TMOD2: variants seen among roughly 807,000 people sequenced by gnomAD.
TMOD2 encodes the protein tropomodulin 2, also known as tropomodulin-2.
TMOD2 carries 22 observed loss-of-function variants against 39.9 expected under a neutral mutation model. That is an observed-to-expected ratio of 0.55 (90% CI 0.39 to 0.79). The LOEUF is 0.79. TMOD2 is among the 30% of genes least tolerant of loss of function. The pLI, the probability that TMOD2 is intolerant of heterozygous loss-of-function variation, is 0.00. For synonymous variants in TMOD2, 123 were observed against 146.1 expected (o/e 0.84, Z 1.14); for missense variants, 386 against 413.3 (o/e 0.93, Z 0.57).
At chr15:51,776,806 C>T in intron 4 of TMOD2, 126 bp from the exon 5 acceptor site, 1 of 736,462 alleles carries the variant, frequency 1.4e-6, no homozygotes, top group Non-Finnish European at 2.4e-6. Flanking sequence ...ACACACTGTG[C>T]AAGGAAAGAG....
At chr15:51,764,178 T>G (rs9944235) in intron 1 of TMOD2, among the ~76,000 whole-genome samples, 61,251 of 151,912 alleles carry the variant, frequency 0.4, 12,497 homozygotes, top group Middle Eastern at 0.45. Context: ...AGTCCCGGGC[T>G]TCGTGTTGCA....
At chr15:51,757,324 C>T (rs1189124093) in intron 1 of TMOD2, among the ~76,000 whole-genome samples, 1 of 148,950 alleles carries the variant, frequency 6.7e-6, no homozygotes, top group Non-Finnish European at 1.5e-5. Context: ...ATGGCGTGAA[C>T]CCGGGAGGCA....
chr15:51,777,324 C>A (rs757319119), intron 5 of TMOD2, among the ~76,000 whole-genome samples: 1 of 152,154 alleles, frequency 6.6e-6, no homozygotes, highest in Non-Finnish European at 1.5e-5. Context: ...AAAAAAATTG[C>A]TGATATAAGA....
At chr15:51,761,773 T>C (rs1218056450) in intron 1 of TMOD2, among the ~76,000 whole-genome samples, 3 of 151,938 alleles carry the variant, frequency 2.0e-5, no homozygotes, top group Non-Finnish European at 2.9e-5. Context: ...TAAGATACCA[T>C]TGATTGTAAA....
chr15:51,783,408 G>C, intron 7 of TMOD2: 1 of 152,766 alleles, frequency 6.5e-6, no homozygotes, highest in Non-Finnish European at 1.5e-5. Context: ...CTTGAACCCG[G>C]GAGGCGGAGG....
chr15:51,785,284 C>T (rs747856191), intron 7 of TMOD2, among the ~76,000 whole-genome samples: 8 of 151,656 alleles, frequency 5.3e-5, no homozygotes, highest in South Asian at 4.2e-4. Flanking sequence ...CGGTGGCGGG[C>T]GCCTGTAGTC....
intron 7 of TMOD2, among the ~76,000 whole-genome samples, chr15:51,795,563 CTGCT>C (rs144124016): frequency 0.033 from 2,767 of 82,720 alleles, 96 homozygotes; most frequent in South Asian, 0.045. Context: ...TTCTTCTCTT[CTGCT>C]TGCTTGCTTG....
At chr15:51,777,063 C>A in intron 5 of TMOD2, 45 bp downstream of exon 5, 1 of 1,553,266 alleles carries the variant, frequency 6.4e-7, no homozygotes, top group Non-Finnish European at 8.9e-7. Context: ...TTTGGAGCCT[C>A]CAGAGTTGCT....
At chr15:51,774,691 A>G (rs2055875730) in intron 4 of TMOD2, among the ~76,000 whole-genome samples, 1 of 152,094 alleles carries the variant, frequency 6.6e-6, no homozygotes, top group Admixed American at 6.5e-5. Flanking sequence ...TGACCACTGC[A>G]GGAGTTGAGG....
chr15:51,787,272 C>A (rs1369455164), intron 7 of TMOD2, among the ~76,000 whole-genome samples: 1 of 152,158 alleles, frequency 6.6e-6, no homozygotes, highest in Non-Finnish European at 1.5e-5. Flanking sequence ...TAGAGCTTGG[C>A]GGGGGGAGGG....
chr15:51,790,712 A>G (rs2056005002), intron 7 of TMOD2, among the ~76,000 whole-genome samples: 3 of 152,346 alleles, frequency 2.0e-5, no homozygotes, highest in East Asian at 3.8e-4. Context: ...ACGCAAATCA[A>G]TAAACATAAT....
At chr15:51,781,354 G>C (rs551127291) in intron 6 of TMOD2, among the ~76,000 whole-genome samples, 180 bp downstream of exon 6, 1 of 152,352 alleles carries the variant, frequency 6.6e-6, no homozygotes, top group Non-Finnish European at 1.5e-5. Context: ...ATAATTATTT[G>C]AAAAGAATCA....
intron 1 of TMOD2, among the ~76,000 whole-genome samples, chr15:51,764,874 C>T (rs1459911974): frequency 1.3e-5 from 2 of 152,220 alleles, no homozygotes; most frequent in Admixed American, 1.3e-4. Context: ...ACTTCCCCCA[C>T]TTACTCAGTG....
chr15:51,759,058 A>G (rs74015767), intron 1 of TMOD2, among the ~76,000 whole-genome samples: 1 of 152,204 alleles, frequency 6.6e-6, no homozygotes, highest in East Asian at 1.9e-4. Context: ...CACTTTGGCC[A>G]TTTGTATGGC....
chr15:51,756,819 C>A lies in TMOD2; in HGVS notation c.-70+5107C>A, dbSNP rs534717057. ...CCCGCCTCATTCTGTCCTTCATCCT[C>A]TGCAAGTATTTCCCAGAATATATAG... On this transcript the variant is annotated intron_variant, in intron 1 of 9. Transcript: ENST00000249700. 3.9e-5 allele frequency among the ~76,000 whole-genome samples: 6 copies of A among 152,350 alleles called. No homozygotes were observed. The East Asian group carries it at 1.2e-3, about 29-fold the overall frequency.
chr15:51,797,786 G>GT (rs1026907820), intron 7 of TMOD2, among the ~76,000 whole-genome samples: 75 of 149,106 alleles, frequency 5.0e-4, no homozygotes, highest in Admixed American at 4.7e-4. Flanking sequence ...CAATGGTAAA[G>GT]TTTTTTTTTA....
At chr15:51,762,703 C>T (rs2055789623) in intron 1 of TMOD2, among the ~76,000 whole-genome samples, 1 of 152,066 alleles carries the variant, frequency 6.6e-6, no homozygotes, top group Non-Finnish European at 1.5e-5. Flanking sequence ...CTCATCAGCC[C>T]CTCCCACCTC....
At chr15:51,797,964 T>A (rs1245460475) in intron 7 of TMOD2, among the ~76,000 whole-genome samples, 1 of 152,098 alleles carries the variant, frequency 6.6e-6, no homozygotes, top group East Asian at 1.9e-4. Context: ...GTATCTTTTT[T>A]AAAAATAGTT....
At chr15:51,787,102 G>T (rs1310573489) in intron 7 of TMOD2, among the ~76,000 whole-genome samples, 1 of 152,130 alleles carries the variant, frequency 6.6e-6, no homozygotes, top group Non-Finnish European at 1.5e-5. Context: ...ACTGTATCTG[G>T]AGGAGCAGTA....
Sources: allele counts gnomAD v4.1 joint callset (sites outside exome capture counted in the v4.1 genomes callset), GRCh38; gene constraint gnomAD v4.1.1; transcripts MANE v1.5; gene names NCBI Gene and HGNC (gene_info 2026-07-23, HGNC 2026-07-21).